ADAM23: variants seen among roughly 807,000 people sequenced by gnomAD.
ADAM23 encodes ADAM metallopeptidase domain 23.
In ADAM23, 33 loss-of-function variants were observed where a neutral mutation model predicts 120.1. The observed-to-expected ratio is 0.27, with a 90% CI of 0.21 to 0.37. The LOEUF (loss-of-function observed/expected upper bound fraction) is 0.37, where lower values mean the gene tolerates loss of function less well. Among genes scored for constraint, ADAM23 ranks in the 10% least tolerant of loss-of-function variants. The pLI, the probability that ADAM23 is intolerant of heterozygous loss-of-function variation, is 1.00. For missense variants in ADAM23, 862 were observed against 1,058.2 expected, an observed-to-expected ratio of 0.81 and a Z score of 2.57; for synonymous variants, 367 against 375.2, an observed-to-expected ratio of 0.98 and a Z score of 0.25.
At chr2:206,488,470 G>GCCTCC (rs1026332885) in intron 3 of ADAM23, among the ~76,000 whole-genome samples, 1 of 152,178 alleles carries the variant, frequency 6.6e-6, no homozygotes, top group African/African-American at 2.4e-5. Flanking sequence ...AGACAAGGAG[G>GCCTCC]GAGGAGCTAG....
intron 25 of ADAM23, 125 bp downstream of exon 25, chr2:206,610,125 C>G: frequency 1.3e-6 from 1 of 786,012 alleles, no homozygotes; most frequent in East Asian, 3.3e-5. Flanking sequence ...AAAAATAAGT[C>G]TTTTTATTCA....
chr2:206,547,451 T>C lies in ADAM23; in HGVS notation c.743T>C (p.Ile248Thr), dbSNP rs1015476729. 7 of 1,613,230 alleles carry C rather than the reference T, an allele frequency of 4.3e-6. No homozygotes were observed. Among genetic ancestry groups the C allele is most frequent in the South Asian group, 1.1e-5 (1 of 90,894 alleles). The change falls in exon 7 of 26, where the codon ATA becomes ACA. Residue 248 changes from isoleucine (I) to threonine (T), a missense_variant. Ile to Thr is a moderately conservative substitution (Grantham distance 89, BLOSUM62 -1). This residue lies in a region of ADAM23 where 617 missense variants were observed against 813.5 expected (regional missense o/e 0.76). Coordinates refer to ENST00000264377, the MANE Select transcript of ADAM23 (RefSeq NM_003812.4). Reference protein sequence around the residue: ...HDEKSTGRPHIIQKTLAGQYS... With the variant: ...HDEKSTGRPHTIQKTLAGQYS... ...CAGAAAAGCACAGGTCGACCACATA[T>C]AATCCAGAAAACCTTGGCAGGACAG...
Position 206,557,490 on chromosome 2 carries a change from G to A in ADAM23, c.997G>A (p.Val333Met), listed in dbSNP as rs2105819183. 4 of 1,611,828 alleles carry A rather than the reference G, an allele frequency of 2.5e-6. No individual in the cohort carries two copies. The highest frequency in any genetic ancestry group is 2.2e-5 in the East Asian group (1 of 44,858). ...NNFAKSVVNL[V>M]DSIYKEQLNT... The stretch of plus-strand genomic sequence containing the variant: ...CTTTGCAAAGTCCGTGGTCAACCTT[G>A]TGGATTCTGTAAGTATCCTGGTTTT... Residue 333 changes from valine (V) to methionine (M), a missense_variant, in exon 10 of 26, where the codon GTG (valine) becomes ATG (methionine). By Grantham distance (21) the Val-to-Met change is conservative. Transcript: ENST00000264377.
At chr2:206,526,512 C>T (rs1423143646) in intron 3 of ADAM23, among the ~76,000 whole-genome samples, 1 of 152,160 alleles carries the variant, frequency 6.6e-6, no homozygotes, top group Non-Finnish European at 1.5e-5. Context: ...AGGCTGCATT[C>T]ATATTTCTGT....
intron 3 of ADAM23, among the ~76,000 whole-genome samples, chr2:206,502,930 G>A (rs919124135): frequency 6.6e-6 from 1 of 152,078 alleles, no homozygotes; most frequent in African/African-American, 2.4e-5. Context: ...CATCCCCCAG[G>A]GGGAGCTATG....
chr2:206,568,897 A>C (rs1249845583), intron 15 of ADAM23, among the ~76,000 whole-genome samples: 3 of 152,208 alleles, frequency 2.0e-5, no homozygotes, highest in Non-Finnish European at 4.4e-5. Flanking sequence ...CGTAGTCAGG[A>C]GATGGTGGCT....
At chr2:206,499,668 A>T (rs1176651639) in intron 3 of ADAM23, among the ~76,000 whole-genome samples, 3 of 152,200 alleles carry the variant, frequency 2.0e-5, no homozygotes, top group South Asian at 4.1e-4. Flanking sequence ...AAAATAAAAA[A>T]AATTTACATG....
In ADAM23 at chr2:206,581,864, T is replaced by TCTTC. The variant is rs755392998; in HGVS notation, c.1738-5445_1738-5442dup. Reference sequence around the variant, plus strand: ...ATTGTGTTGCTGTCTATGTCCTTTCTCTTCCTTCCTTCCTTCCTTTCTTTT... The same window carrying TCTTC: ...ATTGTGTTGCTGTCTATGTCCTTTCTCTTCCTTCCTTCCTTCCTTCCTTTCTTTT... On this transcript the variant is annotated intron_variant, in intron 18 of 25. Transcript: ENST00000264377. Among the ~76,000 whole-genome samples the TCTTC allele has an allele frequency of 7.0e-4, 106 of 151,908 alleles. 6 individuals carry two copies. Among genetic ancestry groups the TCTTC allele is most frequent in the Non-Finnish European group, 2.9e-5 (2 of 67,966 alleles).
intron 2 of ADAM23, among the ~76,000 whole-genome samples, chr2:206,457,511 AACT>A (rs1429847336): frequency 2.0e-5 from 3 of 152,212 alleles, no homozygotes; most frequent in African/African-American, 7.2e-5. Flanking sequence ...ACTGCAGCTG[AACT>A]ATATGCATGT....
chr2:206,548,743 G>A (rs1032860336), intron 8 of ADAM23, among the ~76,000 whole-genome samples: 2 of 152,136 alleles, frequency 1.3e-5, no homozygotes, highest in African/African-American at 4.8e-5. Flanking sequence ...AATCTAGAGA[G>A]AGGAGTTAGG....
chr2:206,450,723 TC>T (rs1695175763), intron 2 of ADAM23, among the ~76,000 whole-genome samples: 1 of 152,242 alleles, frequency 6.6e-6, no homozygotes, highest in Non-Finnish European at 1.5e-5. Context: ...ATTGTGATAA[TC>T]AAGAGCTGGT....
In ADAM23 at chr2:206,588,108, C is replaced by T. The variant is rs893553568; in HGVS notation, c.1806C>T (p.Gly602=). The T allele has an allele frequency of 3.1e-6, 5 of 1,614,052 alleles. No homozygotes were observed. Among genetic ancestry groups the T allele is most frequent in the South Asian group, 1.1e-5 (1 of 91,082 alleles). The part of the protein sequence containing the change: ...CNQNQGRCYN[G]ECKTRDNQCQ... Reference sequence around the variant, plus strand: ...GTCCCCAGGGCCGCTGCTACAATGGCGAGTGCAAGACCAGAGACAACCAGT... The same window carrying T: ...GTCCCCAGGGCCGCTGCTACAATGGTGAGTGCAAGACCAGAGACAACCAGT... Residue 602 remains glycine, a synonymous_variant, in exon 20 of 26, where the codon GGC becomes GGT. Coordinates refer to ENST00000264377, the MANE Select transcript of ADAM23 (RefSeq NM_003812.4).
chr2:206,531,701 A>G (rs1246312685), intron 4 of ADAM23, among the ~76,000 whole-genome samples: 2 of 152,244 alleles, frequency 1.3e-5, no homozygotes, highest in African/African-American at 4.8e-5. Flanking sequence ...AACAAGTGCC[A>G]CTGAACCTGA....
At chr2:206,511,117 C>A (rs1006171118) in intron 3 of ADAM23, among the ~76,000 whole-genome samples, 2 of 151,890 alleles carry the variant, frequency 1.3e-5, no homozygotes, top group African/African-American at 4.8e-5. Context: ...CGTTGTTTTT[C>A]CTTTTTCTAA....
intron 13 of ADAM23, 112 bp from the exon 14 acceptor site, chr2:206,564,908 C>A: frequency 8.8e-7 from 1 of 1,136,894 alleles, no homozygotes; most frequent in Non-Finnish European, 1.3e-6. Flanking sequence ...GTCTATTTGA[C>A]TGACATGGAA....
At chr2:206,466,085 G>A (rs1695536509) in intron 2 of ADAM23, among the ~76,000 whole-genome samples, 1 of 152,152 alleles carries the variant, frequency 6.6e-6, no homozygotes, top group African/African-American at 2.4e-5. Context: ...GATGATGTAT[G>A]CCTAAAAGTA....
At chr2:206,587,960 G>C in intron 19 of ADAM23, 131 bp from the exon 20 acceptor site, 1 of 837,768 alleles carries the variant, frequency 1.2e-6, no homozygotes, top group Non-Finnish European at 1.9e-6. Context: ...ATCCTTACTG[G>C]TCACTATAAA....
intron 8 of ADAM23, among the ~76,000 whole-genome samples, chr2:206,549,827 A>G (rs1448541559): frequency 6.6e-6 from 1 of 152,224 alleles, no homozygotes; most frequent in Non-Finnish European, 1.5e-5. Flanking sequence ...TATAAAAACC[A>G]TATACAACAA....
At chr2:206,575,602 T>C (rs1382462315) in intron 18 of ADAM23, among the ~76,000 whole-genome samples, 1 of 152,148 alleles carries the variant, frequency 6.6e-6, no homozygotes, top group Non-Finnish European at 1.5e-5. Context: ...AGAGTACACT[T>C]GGCAGTCAAA....
Sources: gnomAD v4.1 joint callset for allele counts (sites outside exome capture counted in the v4.1 genomes callset) on GRCh38, gnomAD v4.1.1 for gene constraint, gnomAD v4.1.1 regional missense constraint, MANE v1.5 for transcripts, NCBI Gene and HGNC (gene_info 2026-07-23, HGNC 2026-07-21) for gene names.